The following SLC6A6 variants were observed in gnomAD, a reference collection of about 807,000 sequenced individuals.
SLC6A6 encodes the protein solute carrier family 6 member 6, also known as sodium- and chloride-dependent taurine transporter.
SLC6A6 carries 16 observed loss-of-function variants against 68.8 expected under a neutral mutation model. The observed-to-expected ratio is 0.23, with a 90% CI of 0.16 to 0.35. SLC6A6 has a LOEUF of 0.35. Ranked by LOEUF, SLC6A6 falls within the 10% of genes least tolerant of loss-of-function variation. The pLI is 1.00. For missense variants in SLC6A6, 474 were observed against 802.8 expected (o/e 0.59, Z 4.95); for synonymous variants, 312 against 315.4 (o/e 0.99, Z 0.12).
At chr3:14,460,585 C>T (rs527457900) in intron 6 of SLC6A6, among the ~76,000 whole-genome samples, 148 of 152,258 alleles carry the variant, frequency 9.7e-4, no homozygotes, top group African/African-American at 3.1e-3. Context: ...GGCTGATGTC[C>T]GCCAGGGACA....
At chr3:14,460,145 T>C (rs1475014395) in intron 6 of SLC6A6, among the ~76,000 whole-genome samples, 1 of 152,068 alleles carries the variant, frequency 6.6e-6, no homozygotes, top group Admixed American at 6.5e-5. Flanking sequence ...ACATCATCAC[T>C]TACTTACGCA....
chr3:14,472,394 G>C lies in SLC6A6; in HGVS notation c.1209+77G>C, dbSNP rs1160268773. The stretch of plus-strand genomic sequence containing the variant: ...CTGGGAAAGACTCCTTATTCCACCT[G>C]GGAGGTGGTCAACCCCCTTCCCCCC... On this transcript the variant is annotated intron_variant, in intron 10 of 14. Coordinates refer to ENST00000622186, the MANE Select transcript of SLC6A6 (RefSeq NM_003043.6). The surrounding 1 kb of genome is among the most constrained non-coding windows in gnomAD (Gnocchi z 4.5). The C allele has an allele frequency of 4.5e-6, 4 of 894,530 alleles. No individual in the cohort carries two copies. Among genetic ancestry groups the C allele is most frequent in the Non-Finnish European group, 7.4e-6 (4 of 537,996 alleles). 55.4% of individuals were successfully genotyped at this position (894,530 alleles called of 1,614,324 possible).
chr3:14,471,130 C>CTTTTTTTTTTTTTTTTTTTTTTTTGTTT (rs754511089), intron 9 of SLC6A6, among the ~76,000 whole-genome samples: 35 of 83,108 alleles, frequency 4.2e-4, no homozygotes, highest in Middle Eastern at 0.011. Context: ...TGCTTCTTGA[C>CTTTTTTTTTTTTTTTTTTTTTTTTGTTT]TTTTTTTTTT....
chr3:14,468,435 A>T lies in SLC6A6; in HGVS notation c.1096+223A>T, dbSNP rs1700673970. Reference sequence around the variant, plus strand: ...TTTGGCCCTGATGGGTGGCAAAAGCATGGGGGGTGGTTAAGTTGGGGAATT... The same window carrying T: ...TTTGGCCCTGATGGGTGGCAAAAGCTTGGGGGGTGGTTAAGTTGGGGAATT... On this transcript the variant is annotated intron_variant, in intron 9 of 14. Coordinates refer to ENST00000622186, the MANE Select transcript of SLC6A6 (RefSeq NM_003043.6). This position sits in a 1 kb window ranked among gnomAD's most constrained non-coding sequence, Gnocchi z 4.5. 6.7e-6 allele frequency among the ~76,000 whole-genome samples: 1 copy of T among 149,690 alleles called. No individual in the cohort carries two copies. Among genetic ancestry groups the T allele is most frequent in the African/African-American group, 2.5e-5 (1 of 40,362 alleles).
In SLC6A6 at chr3:14,450,085, G is replaced by A. The variant is rs933348949; in HGVS notation, c.599+2269G>A. Among the ~76,000 whole-genome samples the A allele has an allele frequency of 6.6e-6, 1 of 152,082 alleles. No homozygotes were observed. The highest frequency in any genetic ancestry group is 1.5e-5 in the Non-Finnish European group (1 of 68,002). ...ATTATTTATCGAGTGCCCTCATAGT[G>A]CATAAAACTACCCCTCAGGGCAGTT... is the stretch of plus-strand genomic sequence containing the variant. On this transcript the variant is annotated intron_variant, in intron 5 of 14. Transcript: ENST00000622186. The surrounding 1 kb of genome is among the most constrained non-coding windows in gnomAD (Gnocchi z 4.1).
chr3:14,438,588 C>T lies in SLC6A6; in HGVS notation c.-11-5036C>T, dbSNP rs541614281. On this transcript the variant is annotated intron_variant, in intron 2 of 14. Transcript: ENST00000622186. The stretch of plus-strand genomic sequence containing the variant: ...TGGATGTCATCCAGGTCTCTTCTTG[C>T]CCCTGTTCTGGGACTCTAGGAGCTG... Among the ~76,000 whole-genome samples, 3 of 152,294 alleles carry T rather than the reference C, an allele frequency of 2.0e-5. 1 individual carries two copies. The highest frequency in any genetic ancestry group is 7.2e-5 in the African/African-American group (3 of 41,556).
intron 3 of SLC6A6, among the ~76,000 whole-genome samples, chr3:14,445,151 G>A (rs1227043875): frequency 9.9e-5 from 15 of 152,096 alleles, no homozygotes; most frequent in Admixed American, 1.3e-4. Flanking sequence ...AGCCGGGCGC[G>A]GTGGCTCACG....
At chr3:14,478,431 A>T (rs1319814367) in intron 11 of SLC6A6, 35 bp from the exon 12 acceptor site, 2 of 1,321,994 alleles carry the variant, frequency 1.5e-6, no homozygotes, top group Non-Finnish European at 2.2e-6. Context: ...GAGACCAGGT[A>T]GGAAATCGAC....
At chr3:14,469,490 A>G (rs985759603) in intron 9 of SLC6A6, among the ~76,000 whole-genome samples, 2 of 152,210 alleles carry the variant, frequency 1.3e-5, no homozygotes, top group African/African-American at 2.4e-5. Context: ...GTGCCTCAGC[A>G]TCGCGTGTCC....
chr3:14,448,601 T>C (rs1439318872), intron 5 of SLC6A6, among the ~76,000 whole-genome samples: 1 of 152,202 alleles, frequency 6.6e-6, no homozygotes, highest in African/African-American at 2.4e-5. Flanking sequence ...TCTGTATCAT[T>C]TTTGTTCATG....
chr3:14,489,094 A>G lies in SLC6A6; in HGVS notation c.*4087A>G, dbSNP rs1386816146. 6.6e-6 allele frequency: 1 copy of G among 152,604 alleles called. No individual in the cohort carries two copies. Among genetic ancestry groups the G allele is most frequent in the Non-Finnish European group, 1.5e-5 (1 of 68,040 alleles). 9.5% of individuals were successfully genotyped at this position (152,604 alleles called of 1,614,324 possible). A position where few individuals can be genotyped will look rare whatever the true frequency, so the allele number is the denominator to read the frequency against. ...TTAAACTTTTATAAAAAAAAAATCA[A>G]CCAACAAGAGACTTTTCTGAGGAGG... On this transcript the variant is annotated 3_prime_UTR_variant, in exon 15 of 15. Coordinates refer to ENST00000622186, the MANE Select transcript of SLC6A6 (RefSeq NM_003043.6).
At chr3:14,418,883 T>A (rs1699423946) in intron 2 of SLC6A6, among the ~76,000 whole-genome samples, 1 of 152,178 alleles carries the variant, frequency 6.6e-6, no homozygotes, top group South Asian at 2.1e-4. Flanking sequence ...TGAACCTGAT[T>A]GAGCTGACTC....
At chr3:14,425,322 G>A (rs1337954529) in intron 2 of SLC6A6, among the ~76,000 whole-genome samples, 2 of 152,242 alleles carry the variant, frequency 1.3e-5, no homozygotes, top group South Asian at 2.1e-4. Flanking sequence ...GCAAAGGGTG[G>A]AACTAGGCAA....
intron 10 of SLC6A6, among the ~76,000 whole-genome samples, chr3:14,473,178 C>T (rs1700793075): frequency 6.6e-6 from 1 of 152,134 alleles, no homozygotes; most frequent in African/African-American, 2.4e-5. Flanking sequence ...GCTCCTGGGC[C>T]CCTTTCCCTG....
chr3:14,430,787 A>G lies in SLC6A6; in HGVS notation c.-11-12837A>G, dbSNP rs546005751. On this transcript the variant is annotated intron_variant, in intron 2 of 14. Transcript: ENST00000622186. ...GTCGGGAATGTCCCGCCCCTCCACC[A>G]CATCTTTCAGGCCTCAGTTTCCCCT... Among the ~76,000 whole-genome samples, 32 of 152,324 alleles carry G rather than the reference A, an allele frequency of 2.1e-4. 1 individual carries two copies. In the South Asian group the frequency reaches 6.4e-3, roughly 31 times the overall value.
At chr3:14,470,041 C>T (rs1700716314) in intron 9 of SLC6A6, among the ~76,000 whole-genome samples, 1 of 152,178 alleles carries the variant, frequency 6.6e-6, no homozygotes. Context: ...TGATTTATAC[C>T]TCCTCTGTAG....
intron 3 of SLC6A6, among the ~76,000 whole-genome samples, chr3:14,445,257 C>T (rs562822553): frequency 2.7e-5 from 3 of 110,676 alleles, no homozygotes; most frequent in African/African-American, 4.6e-5. Context: ...CCTGTCTCTA[C>T]TAAAAAACAA....
chr3:14,425,810 G>A (rs1455447950), intron 2 of SLC6A6, among the ~76,000 whole-genome samples: 1 of 152,128 alleles, frequency 6.6e-6, no homozygotes, highest in Non-Finnish European at 1.5e-5. Flanking sequence ...ATTGAGATTG[G>A]TCACACCCCT....
At chr3:14,422,598 G>T (rs1161962560) in intron 2 of SLC6A6, among the ~76,000 whole-genome samples, 2 of 152,016 alleles carry the variant, frequency 1.3e-5, no homozygotes, top group Non-Finnish European at 2.9e-5. Flanking sequence ...CCTTCTGGGG[G>T]CCTGCATGCA....
Sources: allele counts gnomAD v4.1 joint callset (sites outside exome capture counted in the v4.1 genomes callset), GRCh38; gene constraint gnomAD v4.1.1; non-coding constraint Gnocchi (gnomAD v3.1); transcripts MANE v1.5; gene names NCBI Gene and HGNC (gene_info 2026-07-23, HGNC 2026-07-21).